ANO5: variants seen among roughly 807,000 people sequenced by gnomAD.
ANO5 encodes the protein anoctamin 5.
A neutral mutation model predicts 121.0 loss-of-function variants in ANO5; 109 were observed. That is an observed-to-expected ratio of 0.90 (90% CI 0.77 to 1.06). The LOEUF (loss-of-function observed/expected upper bound fraction) is 1.06, where lower values mean the gene tolerates loss of function less well. Among genes scored for constraint, ANO5 ranks in the 50% least tolerant of loss-of-function variants. ANO5 has a pLI of 0.00. For synonymous variants in ANO5, 406 were observed against 359.9 expected (o/e 1.13, Z -1.45); for missense variants, 1,064 against 1,078.5 (o/e 0.99, Z 0.19).
chr11:22,255,786 C>A (rs1420408181), intron 13 of ANO5, among the ~76,000 whole-genome samples: 1 of 151,972 alleles, frequency 6.6e-6, no homozygotes, highest in South Asian at 2.1e-4. Context: ...CAGAATGAAT[C>A]GTTTTTAATT....
chr11:22,237,126 A>G (rs968136602), intron 8 of ANO5, among the ~76,000 whole-genome samples: 2 of 152,076 alleles, frequency 1.3e-5, no homozygotes, highest in African/African-American at 2.4e-5. Flanking sequence ...TGGAATGTCT[A>G]TTTTTGTTGT....
At chr11:22,193,060 A>G, upstream of ANO5, 2 of 1,027,138 alleles carry the variant, frequency 1.9e-6, no homozygotes, top group South Asian at 3.5e-5. Context: ...CGAAGGGGAA[A>G]GGAAAGCTGC....
intron 4 of ANO5, among the ~76,000 whole-genome samples, chr11:22,220,478 T>C (rs1300413378): frequency 1.3e-5 from 1 of 77,458 alleles, no homozygotes; most frequent in African/African-American, 3.3e-5. Context: ...AGATAATTCA[T>C]GCAAATTTAA....
intron 18 of ANO5, among the ~76,000 whole-genome samples, chr11:22,270,795 T>C (rs1386171502): frequency 6.6e-6 from 1 of 152,106 alleles, no homozygotes; most frequent in African/African-American, 2.4e-5. Context: ...AGCTCAAAGA[T>C]AGAATAAGTA....
intron 2 of ANO5, among the ~76,000 whole-genome samples, chr11:22,208,389 T>C (rs1023910573): frequency 1.3e-5 from 2 of 151,988 alleles, no homozygotes; most frequent in Non-Finnish European, 2.9e-5. Flanking sequence ...CTTGGATAGA[T>C]CTCCAGGACA....
intron 2 of ANO5, 68 bp from the exon 3 acceptor site, chr11:22,211,196 C>A: frequency 6.5e-7 from 1 of 1,544,130 alleles, no homozygotes; most frequent in Non-Finnish European, 8.9e-7. Context: ...GTTACTGAAA[C>A]TTAAAAGCAC....
chr11:22,228,160 T>C (rs1852910531), intron 7 of ANO5, among the ~76,000 whole-genome samples: 1 of 152,190 alleles, frequency 6.6e-6, no homozygotes, highest in Middle Eastern at 3.4e-3. Flanking sequence ...CCACTGTTTC[T>C]TTGTGCTTAG....
chr11:22,244,067 C>A (rs1853531885), intron 9 of ANO5, among the ~76,000 whole-genome samples: 1 of 151,944 alleles, frequency 6.6e-6, no homozygotes, highest in Admixed American at 6.6e-5. Flanking sequence ...ATGTTTAGTA[C>A]TCTCTTAAGG....
intron 17 of ANO5, among the ~76,000 whole-genome samples, chr11:22,267,489 A>G (rs2133765544): frequency 7.1e-6 from 1 of 141,154 alleles, no homozygotes; most frequent in East Asian, 2.3e-4. Flanking sequence ...CTATCTACAT[A>G]CCATATAAAT....
intron 5 of ANO5, 140 bp downstream of exon 5, chr11:22,221,350 T>G (rs1852645648): frequency 1.4e-6 from 1 of 727,032 alleles, no homozygotes; most frequent in Non-Finnish European, 2.4e-6. Flanking sequence ...GAGATAACTG[T>G]AAAGTAGGCA....
rs201613923 is a variant in ANO5, at chr11:22,269,386, A to AAAGG, written c.1899-912_1899-909dup. ...GAAGGGAAAGGAAGAAGGAAAGAAG[A>AAAGG]AAGGAAGGAAGGAAGGAGAAAAAAA... On this transcript the variant is annotated intron_variant, in intron 17 of 21. Transcript: ENST00000324559. Among the ~76,000 whole-genome samples the AAAGG allele has an allele frequency of 0.011, 1,601 of 144,054 alleles. 120 individuals carry two copies. In the East Asian group the frequency reaches 0.18, roughly 17 times the overall value. 94.5% of individuals were successfully genotyped at this position (144,054 alleles called of 152,430 possible). A position where few individuals can be genotyped will look rare whatever the true frequency, so the allele number is the denominator to read the frequency against.
At chr11:22,229,163 TTCTC>T (rs1852951023) in intron 7 of ANO5, among the ~76,000 whole-genome samples, 1 of 151,944 alleles carries the variant, frequency 6.6e-6, no homozygotes, top group Non-Finnish European at 1.5e-5. Flanking sequence ...CTCCAACACT[TTCTC>T]TAGGTACTCT....
intron 2 of ANO5, among the ~76,000 whole-genome samples, chr11:22,207,248 A>G (rs1215269090): frequency 1.3e-5 from 2 of 152,152 alleles, no homozygotes; most frequent in Admixed American, 6.5e-5. Flanking sequence ...TGATTGTGAA[A>G]AAAAGAAGAA....
intron 4 of ANO5, among the ~76,000 whole-genome samples, chr11:22,220,809 CTGAA>C (rs1468774211): frequency 6.6e-6 from 1 of 151,920 alleles, no homozygotes; most frequent in Non-Finnish European, 1.5e-5. Context: ...AAGTCAGTCT[CTGAA>C]TGTGCATTTT....
At chr11:22,269,467 GA>G (rs1269610032) in intron 17 of ANO5, among the ~76,000 whole-genome samples, 1 of 83,956 alleles carries the variant, frequency 1.2e-5, no homozygotes, top group Non-Finnish European at 2.3e-5. Flanking sequence ...GAAGGAAGGA[GA>G]AAAAAGAAAA....
chr11:22,197,314 A>G (rs549582073), intron 1 of ANO5, among the ~76,000 whole-genome samples: 3 of 152,108 alleles, frequency 2.0e-5, no homozygotes, highest in South Asian at 4.2e-4. Flanking sequence ...TACATAAACA[A>G]ACATTGCCAG....
rs12576998 is a variant in ANO5 at position 22,279,877 on chromosome 11, T to C, written c.*112T>C. ...ATTTTACCCTTTCTTTTTTTTTTTT[T>C]TCTTTTTTTTTTTAAACTCAAAGTT... On this transcript the variant is annotated 3_prime_UTR_variant, in exon 22 of 22. Transcript: ENST00000324559. 6.1e-3 allele frequency: 3,847 copies of C among 635,438 alleles called. 1 individual carries two copies. The highest frequency in any genetic ancestry group is 7.7e-3 in the Non-Finnish European group (3,096 of 401,540). 39.4% of individuals were successfully genotyped at this position (635,438 alleles called of 1,614,324 possible).
rs1239689198 is a variant in ANO5, at chr11:22,221,131, T to TC, written c.216dup (p.Phe73LeufsTer6). 1 of 1,611,762 alleles carries TC rather than the reference T, an allele frequency of 6.2e-7. No individual in the cohort carries two copies. Among genetic ancestry groups the TC allele is most frequent in the Non-Finnish European group, 8.5e-7 (1 of 1,178,652 alleles). On this transcript the variant is annotated frameshift_variant, in exon 5 of 22. Coordinates refer to ENST00000324559, the MANE Select transcript of ANO5 (RefSeq NM_213599.3). LOFTEE classifies it high-confidence loss of function. ...AATCAGCAAAGCAAAGATTCTATCTTCTTCCGAGATGGGATTAGGCAAATT... is the reference window on the plus strand; with the variant it reads ...AATCAGCAAAGCAAAGATTCTATCTTCCTTCCGAGATGGGATTAGGCAAATT...
chr11:22,193,671 C>T lies in ANO5; in HGVS notation c.40+139C>T, dbSNP rs1023574864. 7 of 1,158,578 alleles carry T rather than the reference C, an allele frequency of 6.0e-6. No homozygotes were observed. The East Asian group carries it at 1.0e-4, about 17-fold the overall frequency. 71.8% of individuals were successfully genotyped at this position (1,158,578 alleles called of 1,614,324 possible). ...GAGGTTCGCTGCGTGGCGTGCTCAG[C>T]GCGAAACCGGGACTGCGGGGCAGAG... is the stretch of plus-strand genomic sequence containing the variant. On this transcript the variant is annotated intron_variant, in intron 1 of 21. Coordinates refer to ENST00000324559, the MANE Select transcript of ANO5 (RefSeq NM_213599.3).
Sources: allele counts gnomAD v4.1 joint callset (sites outside exome capture counted in the v4.1 genomes callset), GRCh38; gene constraint gnomAD v4.1.1; transcripts MANE v1.5; gene names NCBI Gene and HGNC (gene_info 2026-07-23, HGNC 2026-07-21).